Variants in CYP4F12 observed in about 807,000 individuals in gnomAD.
The protein encoded by CYP4F12 is cytochrome P450 family 4 subfamily F member 12, also known as cytochrome P450 4F12.
Under a neutral mutation model 56.5 loss-of-function variants are expected in CYP4F12, and 60 were observed. The ratio of observed to expected loss-of-function variants is 1.06; its 90% CI spans 0.86 to 1.32. The LOEUF (loss-of-function observed/expected upper bound fraction) is 1.32, where lower values mean the gene tolerates loss of function less well. Ranked by LOEUF, CYP4F12 falls within the 40% of genes most tolerant of loss-of-function variation. The probability of loss-of-function intolerance (pLI) is 0.00; values close to 1 mark genes in which losing one functional copy is unlikely to be tolerated. For synonymous variants in CYP4F12, 263 were observed against 264.9 expected, an observed-to-expected ratio of 0.99 and a Z score of 0.07; for missense variants, 711 against 683.5, an observed-to-expected ratio of 1.04 and a Z score of -0.45.
chr19:15,684,756 T>TGTG (rs2007506081), intron 7 of CYP4F12, 60 bp from the exon 8 acceptor site: 7 of 1,044,582 alleles, frequency 6.7e-6, no homozygotes, highest in Admixed American at 6.4e-5. Flanking sequence ...ATAGTATAAT[T>TGTG]TGTGTGTGTG....
At chr19:15,675,046 AG>A (rs2006850019) in intron 2 of CYP4F12, among the ~76,000 whole-genome samples, 1 of 152,244 alleles carries the variant, frequency 6.6e-6, no homozygotes, top group African/African-American at 2.4e-5. Context: ...GGAGGGACAC[AG>A]CTGGACCAGA....
At chr19:15,688,470 C>A (rs1312866861) in intron 9 of CYP4F12, among the ~76,000 whole-genome samples, 2 of 151,922 alleles carry the variant, frequency 1.3e-5, no homozygotes, top group Admixed American at 6.6e-5. Context: ...ATGACACAAA[C>A]CAATGAAAAC....
At chr19:15,680,949 C>T in intron 5 of CYP4F12, 1 of 308,860 alleles carries the variant, frequency 3.2e-6, no homozygotes, top group Non-Finnish European at 6.3e-6. Flanking sequence ...GGCAGCTTTG[C>T]TGATCCTGGC....
At chr19:15,682,931 T>G (rs2007383260) in intron 6 of CYP4F12, among the ~76,000 whole-genome samples, 1 of 151,992 alleles carries the variant, frequency 6.6e-6, no homozygotes, top group Non-Finnish European at 1.5e-5. Flanking sequence ...AGAGAGGGGG[T>G]TCACCATGTT....
intron 3 of CYP4F12, 77 bp from the exon 4 acceptor site, chr19:15,680,167 G>A (rs2007201958): frequency 2.0e-6 from 3 of 1,522,570 alleles, no homozygotes; most frequent in Non-Finnish European, 2.6e-6. Context: ...GGAAAGTGCT[G>A]GTAGGCAGCC....
chr19:15,690,651 G>T (rs546999402), intron 9 of CYP4F12, among the ~76,000 whole-genome samples: 2 of 152,276 alleles, frequency 1.3e-5, no homozygotes, highest in South Asian at 2.1e-4. Context: ...ACAAATGAAA[G>T]AATTTTCTTC....
intron 9 of CYP4F12, among the ~76,000 whole-genome samples, chr19:15,689,195 A>G (rs1459933927): frequency 7.2e-6 from 1 of 138,914 alleles, no homozygotes; most frequent in Non-Finnish European, 1.6e-5. Flanking sequence ...TTTGCAAACT[A>G]TGCATCTGAC....
chr19:15,684,956 G>C, intron 8 of CYP4F12, 74 bp downstream of exon 8: 7 of 1,568,274 alleles, frequency 4.5e-6, no homozygotes, highest in Non-Finnish European at 6.1e-6. Flanking sequence ...GTGGACCCTG[G>C]ATCACTCCAT....
In CYP4F12 at chr19:15,697,103, C is replaced by T. The variant is rs1425760013; in HGVS notation, c.*18C>T. ...TGCAGTGACTTTCTGACCCATCCAC[C>T]TGTTTTTTTGCAGATTGTCATGAAT... is the stretch of plus-strand genomic sequence containing the variant. On this transcript the variant is annotated 3_prime_UTR_variant, in exon 13 of 13. Coordinates refer to ENST00000550308, the MANE Select transcript of CYP4F12 (RefSeq NM_023944.4). 1 of 1,602,024 alleles carries T rather than the reference C, an allele frequency of 6.2e-7. No individual in the cohort carries two copies.
intron 3 of CYP4F12, among the ~76,000 whole-genome samples, chr19:15,679,790 AC>A (rs1465122344): frequency 9.9e-5 from 15 of 152,198 alleles, no homozygotes; most frequent in African/African-American, 3.4e-4. Flanking sequence ...TCTTGGTTCC[AC>A]CTGGGACATG....
In CYP4F12 at chr19:15,673,564, G is replaced by A. The variant is rs1216376932; in HGVS notation, c.35G>A (p.Arg12Lys). ...SLLSLPWLGL[R>K]PVATSPWLLL... ...CTGAGCCTGCCCTGGCTGGGCCTCA[G>A]ACCGGTGGCAACGTCCCCATGGCTA... The change falls in exon 2 of 13, where the codon AGA becomes AAA. Residue 12 changes from arginine (R) to lysine (K), a missense_variant. Arg to Lys is a conservative substitution (Grantham distance 26). Coordinates refer to ENST00000550308, the MANE Select transcript of CYP4F12 (RefSeq NM_023944.4). 1 of 1,613,966 alleles carries A rather than the reference G, an allele frequency of 6.2e-7. No homozygotes were observed. The highest frequency in any genetic ancestry group is 1.3e-5 in the African/African-American group (1 of 74,920).
chr19:15,682,240 G>T (rs940588825), intron 5 of CYP4F12, 149 bp from the exon 6 acceptor site: 30 of 1,070,786 alleles, frequency 2.8e-5, no homozygotes, highest in Non-Finnish European at 3.7e-5. Flanking sequence ...GTTTCTGCTC[G>T]CATCCCAGTC....
chr19:15,692,809 C>T (rs1278576850), intron 9 of CYP4F12, among the ~76,000 whole-genome samples: 1 of 152,082 alleles, frequency 6.6e-6, no homozygotes, highest in Non-Finnish European at 1.5e-5. Flanking sequence ...CACGGTGGTT[C>T]ATGACTGTAA....
In CYP4F12 at chr19:15,684,982, C is replaced by T. The variant is rs552250169; in HGVS notation, c.986-86C>T. ...ATCACTCCATTCTGCCCATCTTCCC[C>T]CTCCCTCCATCCTCCTGAGGGCCTC... On this transcript the variant is annotated intron_variant, in intron 8 of 12. Transcript: ENST00000550308. 7 of 1,570,974 alleles carry T rather than the reference C, an allele frequency of 4.5e-6. No homozygotes were observed. In the East Asian group the frequency reaches 9.0e-5, roughly 20 times the overall value.
chr19:15,679,033 T>C (rs908910046), intron 3 of CYP4F12, among the ~76,000 whole-genome samples: 10 of 152,206 alleles, frequency 6.6e-5, no homozygotes, highest in African/African-American at 2.4e-4. Flanking sequence ...GATTCTCCAA[T>C]AGGAGAACCC....
chr19:15,679,168 T>C (rs1488251827), intron 3 of CYP4F12, among the ~76,000 whole-genome samples: 1 of 152,224 alleles, frequency 6.6e-6, no homozygotes, highest in African/African-American at 2.4e-5. Context: ...TTAGTGACTC[T>C]GTGCAGGTCA....
intron 7 of CYP4F12, 137 bp from the exon 8 acceptor site, chr19:15,684,679 T>C: frequency 1.2e-6 from 1 of 810,298 alleles, no homozygotes; most frequent in African/African-American, 1.7e-5. Context: ...ACGTGCAGAG[T>C]GCATTTGAGT....
At chr19:15,684,932 C>G in intron 8 of CYP4F12, 50 bp downstream of exon 8, 1 of 1,571,496 alleles carries the variant, frequency 6.4e-7, no homozygotes, top group Non-Finnish European at 8.7e-7. Context: ...CCCTCCATCT[C>G]AGGATCCGGG....
At position 15,696,430 on chromosome 19, in the gene CYP4F12, G is replaced by A. The variant is rs771951701; in HGVS notation, c.1315G>A (p.Val439Ile). 7 of 1,614,122 alleles carry A rather than the reference G, an allele frequency of 4.3e-6. No individual in the cohort carries two copies. Among genetic ancestry groups the A allele is most frequent in the South Asian group, 1.1e-5 (1 of 91,084 alleles). ...CAAACCTTCTTTGTCTCACCTGCAG[G>A]TCTACGACCCCTTCCGCTTTGACCC... ...HNPTVWPDPEVYDPFRFDPEN... is the reference protein window; with the variant it reads ...HNPTVWPDPEIYDPFRFDPEN... The change falls in exon 12 of 13, where the codon GTC becomes ATC. Residue 439 changes from valine to isoleucine, a missense_variant and splice_region_variant. By Grantham distance (29) the Val-to-Ile change is conservative (BLOSUM62 3). Transcript: ENST00000550308.
Sources: gnomAD v4.1 joint callset for allele counts (sites outside exome capture counted in the v4.1 genomes callset) on GRCh38, gnomAD v4.1.1 for gene constraint, MANE v1.5 for transcripts, NCBI Gene and HGNC (gene_info 2026-07-23, HGNC 2026-07-21) for gene names.